The following RSPO4 variants were observed in gnomAD, a reference collection of about 807,000 sequenced individuals.
The protein encoded by RSPO4 is R-spondin 4, also known as R-spondin-4.
RSPO4 carries 23 observed loss-of-function variants against 24.8 expected under a neutral mutation model. That is an observed-to-expected ratio of 0.93 (90% confidence interval 0.67 to 1.31). The LOEUF (loss-of-function observed/expected upper bound fraction) is 1.31, where lower values mean the gene tolerates loss of function less well. Among genes scored for constraint, RSPO4 ranks in the 40% most tolerant of loss-of-function variants. The probability of loss-of-function intolerance (pLI) is 0.00; values close to 1 mark genes in which losing one functional copy is unlikely to be tolerated. For missense variants in RSPO4, 333 were observed against 316.5 expected (o/e 1.05, Z -0.39); for synonymous variants, 141 against 127.4 (o/e 1.11, Z -0.72).
In RSPO4 at chr20:981,477, T is replaced by C. The variant is rs532274345; in HGVS notation, c.80-13339A>G. On this transcript the variant is annotated intron_variant, in intron 1 of 4. Coordinates refer to ENST00000217260, the MANE Select transcript of RSPO4 (RefSeq NM_001029871.4). The surrounding 1 kb of genome is among the most constrained non-coding windows in gnomAD (Gnocchi z 4.6). ...GATGCGGAGGTTGCATGAGCCAAGATTGCACCACTGCACTCCAGCCTGGGC... is the reference window on the plus strand; with the variant it reads ...GATGCGGAGGTTGCATGAGCCAAGACTGCACCACTGCACTCCAGCCTGGGC... Among the ~76,000 whole-genome samples the C allele has an allele frequency of 2.3e-4, 35 of 152,246 alleles. No homozygotes were observed. The highest frequency in any genetic ancestry group is 6.0e-4 in the African/African-American group (25 of 41,536).
intron 1 of RSPO4, among the ~76,000 whole-genome samples, chr20:998,944 G>A (rs1021357558): frequency 6.6e-5 from 10 of 151,418 alleles, no homozygotes; most frequent in Non-Finnish European, 1.2e-4. Flanking sequence ...AATGGTCTCT[G>A]ATGTGTAATA....
intron 1 of RSPO4, among the ~76,000 whole-genome samples, chr20:988,467 G>A (rs1984992656): frequency 6.6e-6 from 1 of 152,166 alleles, no homozygotes; most frequent in Non-Finnish European, 1.5e-5. Context: ...CTGCTCATGG[G>A]TTATCATGAA....
chr20:977,669 G>C (rs1488682588), intron 1 of RSPO4, among the ~76,000 whole-genome samples: 1 of 152,186 alleles, frequency 6.6e-6, no homozygotes, highest in South Asian at 2.1e-4. Flanking sequence ...AGTGTGTCTT[G>C]CATGAGAACA....
At chr20:967,396 TCTGGGTAG>T in intron 2 of RSPO4, 82 bp from the exon 3 acceptor site, 1 of 1,443,856 alleles carries the variant, frequency 6.9e-7, no homozygotes, top group Non-Finnish European at 9.7e-7. Context: ...TGGAAGGCCC[TCTGGGTAG>T]CTCCAGGCTT....
At chr20:997,949 A>G (rs901653923) in intron 1 of RSPO4, among the ~76,000 whole-genome samples, 1 of 152,198 alleles carries the variant, frequency 6.6e-6, no homozygotes, top group African/African-American at 2.4e-5. Context: ...TGGGAAGGGA[A>G]AGTGGTCAAA....
At chr20:992,534 T>C (rs1249425080) in intron 1 of RSPO4, among the ~76,000 whole-genome samples, 5 of 151,742 alleles carry the variant, frequency 3.3e-5, no homozygotes, top group African/African-American at 1.2e-4. Flanking sequence ...GCCCAACCTC[T>C]CCCCCCATGA....
intron 1 of RSPO4, among the ~76,000 whole-genome samples, chr20:973,170 G>A (rs1984460485): frequency 6.6e-6 from 1 of 152,126 alleles, no homozygotes; most frequent in African/African-American, 2.4e-5. Flanking sequence ...GGCCATGGGG[G>A]TGAGCCACGC....
At chr20:997,012 G>A (rs1455749628) in intron 1 of RSPO4, among the ~76,000 whole-genome samples, 2 of 152,150 alleles carry the variant, frequency 1.3e-5, no homozygotes, top group South Asian at 2.1e-4. Flanking sequence ...TCTATTGCAC[G>A]GGCTTCGGAG....
rs1600086126 is a variant in RSPO4 at position 960,580 on chromosome 20, C to T, written c.596-114G>A. On this transcript the variant is annotated intron_variant, in intron 4 of 4. Coordinates refer to ENST00000217260, the MANE Select transcript of RSPO4 (RefSeq NM_001029871.4). The stretch of plus-strand genomic sequence containing the variant: ...CCACCCACTCCCCAACAACGGGGCT[C>T]AGAACATTTGGGCACTGACCTTGCA... 3.8e-6 allele frequency: 3 copies of T among 780,918 alleles called. No homozygotes were observed. In the East Asian group the frequency reaches 8.0e-5, roughly 21 times the overall value. 48.4% of individuals were successfully genotyped at this position (780,918 alleles called of 1,614,324 possible).
chr20:984,364 A>T (rs1273165546), intron 1 of RSPO4, among the ~76,000 whole-genome samples: 2 of 152,110 alleles, frequency 1.3e-5, no homozygotes, highest in African/African-American at 2.4e-5. Flanking sequence ...TGAGAAATAT[A>T]ATCAGCTCCC....
chr20:976,532 A>G (rs568174063), intron 1 of RSPO4, among the ~76,000 whole-genome samples: 72 of 152,310 alleles, frequency 4.7e-4, no homozygotes, highest in African/African-American at 1.7e-3. Flanking sequence ...TTGTTTCAAC[A>G]GGAGTCAACG....
chr20:966,458 T>G (rs1433115377), intron 3 of RSPO4, among the ~76,000 whole-genome samples: 2 of 152,136 alleles, frequency 1.3e-5, no homozygotes, highest in Non-Finnish European at 2.9e-5. Flanking sequence ...TGTCTTTTTT[T>G]TTTTCTAACG....
At position 965,460 on chromosome 20, in the gene RSPO4, C is replaced by T. The variant is rs73892583; in HGVS notation, c.410-1340G>A. Among the ~76,000 whole-genome samples, 1,385 of 152,296 alleles carry T rather than the reference C, an allele frequency of 9.1e-3. 19 individuals are homozygous for T. Among genetic ancestry groups the T allele is most frequent in the Middle Eastern group, 0.027 (8 of 294 alleles). The stretch of plus-strand genomic sequence containing the variant: ...GATTGCCCAGGGCCTGGGTGGGCTC[C>T]GCCCAAGGGCAGTGGGAGCCACTGA... On this transcript the variant is annotated intron_variant, in intron 3 of 4. Coordinates refer to ENST00000217260, the MANE Select transcript of RSPO4 (RefSeq NM_001029871.4).
intron 1 of RSPO4, among the ~76,000 whole-genome samples, chr20:1,001,716 C>T (rs1277484672): frequency 3.9e-5 from 6 of 152,182 alleles, no homozygotes; most frequent in Admixed American, 3.9e-4. Context: ...AGCATGGATG[C>T]TTGGAATGGC....
intron 3 of RSPO4, among the ~76,000 whole-genome samples, chr20:964,372 G>C (rs938979874): frequency 1.3e-5 from 2 of 152,142 alleles, no homozygotes; most frequent in Admixed American, 6.5e-5. Context: ...CCTGGAGGAG[G>C]TGATGTATGA....
intron 1 of RSPO4, among the ~76,000 whole-genome samples, chr20:985,477 T>C (rs1984891768): frequency 6.6e-6 from 1 of 152,268 alleles, no homozygotes; most frequent in East Asian, 1.9e-4. Context: ...CATACTGGAT[T>C]GGAAATGTAA....
In RSPO4 at chr20:960,371, C is replaced by A. The variant is rs563843176; in HGVS notation, c.691G>T (p.Gly231Cys). 4 of 1,536,676 alleles carry A rather than the reference C, an allele frequency of 2.6e-6. No homozygotes were observed. The East Asian group carries it at 9.8e-5, about 38-fold the overall frequency. ...AGAGCCGGCGGTCAGGGCTGCAGGC[C>A]GGGCTGGCGCGGCCTCACGTCCAGC... The part of the protein sequence containing the change: ...RRLDVRPRQP[G>C]LQP Residue 231 changes from glycine (G) to cysteine (C), a missense_variant, in exon 5 of 5, where the codon GGC becomes TGC. Physicochemically the swap from Gly to Cys is radical, Grantham distance 159 (BLOSUM62 -3). Transcript: ENST00000217260.
rs985794107 is a variant in RSPO4 at position 960,305 on chromosome 20, G to A, written c.*52C>T. 10 of 1,123,652 alleles carry A rather than the reference G, an allele frequency of 8.9e-6. No homozygotes were observed. Among genetic ancestry groups the A allele is most frequent in the Admixed American group, 2.0e-5 (1 of 50,438 alleles). The allele number at this position is 1,123,652 out of a possible 1,614,324, so 69.6% of individuals were successfully genotyped here. A position where few individuals can be genotyped will look rare whatever the true frequency, so the allele number is the denominator to read the frequency against. On this transcript the variant is annotated 3_prime_UTR_variant, in exon 5 of 5. Transcript: ENST00000217260. ...GAGGAGAGGAGGAGAAGGAGCAGGA[G>A]GAGGTGTGCAGGGGCCGAGGACTAG...
intron 1 of RSPO4, among the ~76,000 whole-genome samples, chr20:993,478 G>C (rs1157299623): frequency 6.6e-6 from 1 of 152,160 alleles, no homozygotes; most frequent in Middle Eastern, 3.2e-3. Flanking sequence ...ACAGAGACCT[G>C]GGAGCACATC....
Sources: allele counts gnomAD v4.1 joint callset (sites outside exome capture counted in the v4.1 genomes callset), GRCh38; gene constraint gnomAD v4.1.1; non-coding constraint Gnocchi (gnomAD v3.1); transcripts MANE v1.5; gene names NCBI Gene and HGNC (gene_info 2026-07-23, HGNC 2026-07-21).